Variants in DNAJC24 observed in about 807,000 individuals in gnomAD.
DNAJC24 encodes DnaJ heat shock protein family (Hsp40) member C24.
DNAJC24 carries 17 observed loss-of-function variants against 18.0 expected under a neutral mutation model. That is an observed-to-expected ratio of 0.94 (90% CI 0.65 to 1.42). The LOEUF is 1.42. Among genes scored for constraint, DNAJC24 ranks in the 40% most tolerant of loss-of-function variants. The pLI is 0.00. For missense variants in DNAJC24, 158 were observed against 175.6 expected, an observed-to-expected ratio of 0.90 and a Z score of 0.57; for synonymous variants, 55 against 57.7, an observed-to-expected ratio of 0.95 and a Z score of 0.21.
At chr11:31,408,868 C>G (rs1215385703) in intron 2 of DNAJC24, among the ~76,000 whole-genome samples, 1 of 152,080 alleles carries the variant, frequency 6.6e-6, no homozygotes, top group Non-Finnish European at 1.5e-5. Flanking sequence ...TAAAATAGCA[C>G]TTTACTGAAA....
chr11:31,421,206 T>C (rs573751633), intron 3 of DNAJC24, among the ~76,000 whole-genome samples: 1 of 152,316 alleles, frequency 6.6e-6, no homozygotes, highest in South Asian at 2.1e-4. Context: ...AAACTGATTA[T>C]GTTCAAGTTA....
intron 2 of DNAJC24, among the ~76,000 whole-genome samples, chr11:31,393,237 A>T (rs913344599): frequency 6.6e-6 from 1 of 152,094 alleles, no homozygotes; most frequent in Non-Finnish European, 1.5e-5. Flanking sequence ...TTGTTTGGGC[A>T]GGGGATTCTT....
At chr11:31,430,248 G>GATT in intron 4 of DNAJC24, 23 bp from the exon 5 acceptor site, 1 of 1,595,698 alleles carries the variant, frequency 6.3e-7, no homozygotes, top group East Asian at 2.3e-5. Context: ...GTCTTTGAAA[G>GATT]ATTATTTTGT....
chr11:31,429,160 G>A (rs914956943), intron 4 of DNAJC24, among the ~76,000 whole-genome samples: 12 of 151,690 alleles, frequency 7.9e-5, no homozygotes, highest in African/African-American at 2.7e-4. Flanking sequence ...TGTATGGAGA[G>A]CAAAGGCATT....
chr11:31,392,285 T>A (rs577232625), intron 2 of DNAJC24, among the ~76,000 whole-genome samples: 1 of 152,314 alleles, frequency 6.6e-6, no homozygotes, highest in South Asian at 2.1e-4. Flanking sequence ...GGATAAATGC[T>A]TGAGGTGATG....
chr11:31,390,350 C>T (rs1168435684), intron 2 of DNAJC24, among the ~76,000 whole-genome samples: 3 of 134,286 alleles, frequency 2.2e-5, no homozygotes, highest in African/African-American at 8.6e-5. Context: ...GAACTGAGAT[C>T]GTGCCACTAC....
intron 3 of DNAJC24, among the ~76,000 whole-genome samples, chr11:31,424,715 A>C (rs1421276746): frequency 6.6e-6 from 1 of 152,228 alleles, no homozygotes; most frequent in Non-Finnish European, 1.5e-5. Context: ...AGTAAATATG[A>C]AGTGGTATAA....
chr11:31,401,781 C>T (rs1408744475), intron 2 of DNAJC24, among the ~76,000 whole-genome samples: 1 of 152,140 alleles, frequency 6.6e-6, no homozygotes, highest in African/African-American at 2.4e-5. Context: ...ATGTATGTTT[C>T]TTCATATTGT....
At chr11:31,426,808 AT>A (rs34295574) in intron 4 of DNAJC24, 54,043 of 132,580 alleles carry the variant, frequency 0.41, 11,832 homozygotes, top group African/African-American at 0.65. Flanking sequence ...AAGAGGCTTG[AT>A]TTTTTTTTTT....
At chr11:31,399,931 G>GC in intron 2 of DNAJC24, among the ~76,000 whole-genome samples, 1 of 151,804 alleles carries the variant, frequency 6.6e-6, no homozygotes, top group South Asian at 2.1e-4. Flanking sequence ...CTCTCAACAG[G>GC]CCCTGGTGTG....
intron 2 of DNAJC24, among the ~76,000 whole-genome samples, chr11:31,376,036 G>A (rs1952310456): frequency 5.7e-5 from 5 of 88,200 alleles, no homozygotes; most frequent in Non-Finnish European, 9.7e-5. Context: ...CCCAGTGGGA[G>A]ATAATTGAAT....
rs771858465 is a variant in DNAJC24 at position 31,432,526 on chromosome 11, T to G, written c.*2125T>G. The G allele has an allele frequency of 1.2e-6, 2 of 1,612,638 alleles. No individual in the cohort carries two copies. Among genetic ancestry groups the G allele is most frequent in the Non-Finnish European group, 8.5e-7 (1 of 1,179,002 alleles). Reference sequence around the variant, plus strand: ...TAATCATCAGAAAATCTGTGGCCATTAGGGCTGGCACGTAAAAATCCAAAA... The same window carrying G: ...TAATCATCAGAAAATCTGTGGCCATGAGGGCTGGCACGTAAAAATCCAAAA... On this transcript the variant is annotated 3_prime_UTR_variant, in exon 5 of 5. Coordinates refer to ENST00000465995, the MANE Select transcript of DNAJC24 (RefSeq NM_181706.5).
At chr11:31,428,595 T>C (rs1212104683) in intron 4 of DNAJC24, among the ~76,000 whole-genome samples, 2 of 152,152 alleles carry the variant, frequency 1.3e-5, no homozygotes, top group African/African-American at 4.8e-5. Flanking sequence ...CCCTACAGGA[T>C]AGACATAGCC....
Position 31,430,698 on chromosome 11 carries a change from A to T in DNAJC24, c.*297A>T, listed in dbSNP as rs1952913973. On this transcript the variant is annotated 3_prime_UTR_variant, in exon 5 of 5. Transcript: ENST00000465995. ...CATGACACAAAATAAGAATTTTCTT[A>T]ATATGAGCATGTCTCCTCTTTTCAG... is the stretch of plus-strand genomic sequence containing the variant. 1 of 161,066 alleles carries T rather than the reference A, an allele frequency of 6.2e-6. No individual in the cohort carries two copies. The highest frequency in any genetic ancestry group is 1.4e-5 in the Non-Finnish European group (1 of 73,854). 10.0% of individuals were successfully genotyped at this position (161,066 alleles called of 1,614,324 possible).
intron 2 of DNAJC24, among the ~76,000 whole-genome samples, chr11:31,380,466 T>C (rs1952365583): frequency 6.6e-6 from 1 of 152,226 alleles, no homozygotes; most frequent in Admixed American, 6.5e-5. Flanking sequence ...TATTTTCAGT[T>C]ACGCCAAAAT....
intron 2 of DNAJC24, among the ~76,000 whole-genome samples, chr11:31,398,738 G>A (rs1016680476): frequency 2.0e-5 from 3 of 152,160 alleles, no homozygotes; most frequent in East Asian, 1.9e-4. Flanking sequence ...GCATGAAAGC[G>A]TTGACAGAAC....
intron 3 of DNAJC24, among the ~76,000 whole-genome samples, chr11:31,418,539 T>A (rs1370246931): frequency 2.6e-5 from 4 of 152,088 alleles, no homozygotes; most frequent in African/African-American, 9.7e-5. Flanking sequence ...ATCTGAAGAG[T>A]AGCAAACCTT....
At chr11:31,392,352 C>T (rs926393796) in intron 2 of DNAJC24, among the ~76,000 whole-genome samples, 5 of 151,928 alleles carry the variant, frequency 3.3e-5, no homozygotes, top group East Asian at 1.9e-4. Context: ...ATCACAATAC[C>T]GTATGTAATC....
At chr11:31,382,966 C>T (rs1178462177) in intron 2 of DNAJC24, among the ~76,000 whole-genome samples, 1 of 152,098 alleles carries the variant, frequency 6.6e-6, no homozygotes, top group Admixed American at 6.5e-5. Flanking sequence ...AAGCAGCTTA[C>T]AGAACTCGGA....
Sources: gnomAD v4.1 joint callset for allele counts (sites outside exome capture counted in the v4.1 genomes callset) on GRCh38, gnomAD v4.1.1 for gene constraint, MANE v1.5 for transcripts, NCBI Gene and HGNC (gene_info 2026-07-23, HGNC 2026-07-21) for gene names.